Variants in ODAD2 observed in about 807,000 individuals in gnomAD.
ODAD2 encodes the protein outer dynein arm-docking complex subunit 2.
In ODAD2, 89 loss-of-function variants were observed where a neutral mutation model predicts 106.8. That is an observed-to-expected ratio of 0.83 (90% CI 0.70 to 0.99). The LOEUF (loss-of-function observed/expected upper bound fraction) is 0.99, where lower values mean the gene tolerates loss of function less well. ODAD2 is among the 50% of genes least tolerant of loss of function. The pLI, the probability that ODAD2 is intolerant of heterozygous loss-of-function variation, is 0.00. For missense variants in ODAD2, 1,168 were observed against 1,238.5 expected, an observed-to-expected ratio of 0.94 and a Z score of 0.85; for synonymous variants, 404 against 436.2, an observed-to-expected ratio of 0.93 and a Z score of 0.92.
intron 16 of ODAD2, among the ~76,000 whole-genome samples, chr10:27,913,747 G>C (rs1457623343): frequency 3.9e-5 from 6 of 152,068 alleles, no homozygotes; most frequent in Non-Finnish European, 7.4e-5. Flanking sequence ...CAACATCACT[G>C]ATCATTAGAG....
At chr10:27,883,771 A>G (rs1287601247) in intron 17 of ODAD2, among the ~76,000 whole-genome samples, 1 of 152,186 alleles carries the variant, frequency 6.6e-6, no homozygotes, top group Non-Finnish European at 1.5e-5. Context: ...TGAAAGTACA[A>G]TAACTGAAAT....
At position 27,999,046 on chromosome 10, in the gene ODAD2, T is replaced by A. The variant is rs1260261437; in HGVS notation, c.-91A>T. 6.6e-6 allele frequency: 1 copy of A among 152,504 alleles called. No homozygotes were observed. The allele number at this position is 152,504 out of a possible 1,614,324, so 9.4% of individuals were successfully genotyped here. On this transcript the variant is annotated 5_prime_UTR_variant, in exon 1 of 20. Coordinates refer to ENST00000305242, the MANE Select transcript of ODAD2 (RefSeq NM_018076.5). ...AGATTCCCGCGGACCCGTTGCACCG[T>A]ATGCCCGCGCCAGAGACGCTCTGCG... is the stretch of plus-strand genomic sequence containing the variant.
chr10:27,846,952 T>G (rs1283989762), intron 19 of ODAD2, among the ~76,000 whole-genome samples: 2 of 151,944 alleles, frequency 1.3e-5, no homozygotes, highest in East Asian at 1.9e-4. Context: ...ACCAAAAAAA[T>G]TCCAGGATCA....
chr10:27,852,992 C>T (rs1037957588), intron 19 of ODAD2, among the ~76,000 whole-genome samples: 9 of 150,318 alleles, frequency 6.0e-5, no homozygotes, highest in Non-Finnish European at 8.9e-5. Context: ...AAAAGCTAAC[C>T]GTGTCAATAT....
chr10:27,944,584 T>C (rs1247305463), intron 11 of ODAD2, among the ~76,000 whole-genome samples, 153 bp from the exon 12 acceptor site: 1 of 152,168 alleles, frequency 6.6e-6, no homozygotes, highest in African/African-American at 2.4e-5. Context: ...TTCTCTTTCA[T>C]TTAAGTAAAC....
At chr10:27,918,512 A>G (rs549338023) in intron 16 of ODAD2, among the ~76,000 whole-genome samples, 1 of 152,112 alleles carries the variant, frequency 6.6e-6, no homozygotes, top group South Asian at 2.1e-4. Flanking sequence ...TTATTAAAAT[A>G]TAACTCTCAC....
Position 27,842,035 on chromosome 10 carries a change from T to C in ODAD2, c.3021+18590A>G, listed in dbSNP as rs569464802. ...GCTGAACAAACACTTTCCCTCTGGC[T>C]GCAAATTCTTCTCCTCACTTCATTC... On this transcript the variant is annotated intron_variant, in intron 19 of 19. Coordinates refer to ENST00000305242, the MANE Select transcript of ODAD2 (RefSeq NM_018076.5). 2.0e-5 allele frequency among the ~76,000 whole-genome samples: 3 copies of C among 152,334 alleles called. No individual in the cohort carries two copies. The South Asian group carries it at 6.2e-4, about 32-fold the overall frequency.
At chr10:27,950,897 ATAAT>A (rs1163150581) in intron 10 of ODAD2, among the ~76,000 whole-genome samples, 3 of 152,330 alleles carry the variant, frequency 2.0e-5, no homozygotes, top group East Asian at 1.9e-4. Flanking sequence ...AATAATTATG[ATAAT>A]TAATTAAAAA....
chr10:27,876,524 T>G (rs987641653), intron 17 of ODAD2, among the ~76,000 whole-genome samples: 1 of 152,216 alleles, frequency 6.6e-6, no homozygotes, highest in Admixed American at 6.5e-5. Flanking sequence ...TGTTATTTTC[T>G]TTACTGGGAT....
intron 7 of ODAD2, 97 bp downstream of exon 7, chr10:27,981,369 C>A: frequency 8.1e-7 from 1 of 1,231,346 alleles, no homozygotes. Flanking sequence ...TAAAAAGTGC[C>A]CAAAAATAGG....
chr10:27,984,237 C>T lies in ODAD2; in HGVS notation c.629G>A (p.Arg210His), dbSNP rs1298639189. Residue 210 changes from arginine to histidine, a missense_variant, in exon 5 of 20, where the codon CGT becomes CAT. Physicochemically the swap from Arg to His is conservative, Grantham distance 29 (BLOSUM62 0). Transcript: ENST00000305242. Reference sequence around the variant, plus strand: ...TGTTTGGTTTCCTTTTCCTGAGAAACGTTTGAGCAGTTCTATATCCTTCTT... The same window carrying T: ...TGTTTGGTTTCCTTTTCCTGAGAAATGTTTGAGCAGTTCTATATCCTTCTT... ...TVKKDIELLK[R>H]FSGKGNQTVL... 11 of 1,613,722 alleles carry T rather than the reference C, an allele frequency of 6.8e-6. No homozygotes were observed. Among genetic ancestry groups the T allele is most frequent in the South Asian group, 6.6e-5 (6 of 91,076 alleles).
chr10:27,885,728 T>A (rs1842121192), intron 17 of ODAD2, among the ~76,000 whole-genome samples: 1 of 39,434 alleles, frequency 2.5e-5, no homozygotes, highest in East Asian at 6.6e-4. Flanking sequence ...ATATTATATA[T>A]AAAATATATT....
chr10:27,833,975 C>T (rs140186220), intron 19 of ODAD2, among the ~76,000 whole-genome samples: 59 of 152,330 alleles, frequency 3.9e-4, no homozygotes, highest in African/African-American at 1.2e-3. Flanking sequence ...GAAGGTTCCA[C>T]ATGGCGCCAC....
chr10:27,989,895 T>C (rs1366038169), intron 2 of ODAD2, among the ~76,000 whole-genome samples: 1 of 152,102 alleles, frequency 6.6e-6, no homozygotes, highest in East Asian at 1.9e-4. Flanking sequence ...ACGCCAGCTA[T>C]GGACAAGATT....
At chr10:27,831,063 G>A (rs936076747) in intron 19 of ODAD2, among the ~76,000 whole-genome samples, 1 of 152,154 alleles carries the variant, frequency 6.6e-6, no homozygotes, top group Non-Finnish European at 1.5e-5. Flanking sequence ...GGAGTGGATG[G>A]GGGAGGGAAG....
chr10:27,971,331 G>A lies in ODAD2; in HGVS notation c.937-18C>T. The A allele has an allele frequency of 1.3e-6, 2 of 1,559,206 alleles. No homozygotes were observed. Among genetic ancestry groups the A allele is most frequent in the Non-Finnish European group, 1.7e-6 (2 of 1,153,158 alleles). On this transcript the variant is annotated intron_variant, in intron 7 of 19. Coordinates refer to ENST00000305242, the MANE Select transcript of ODAD2 (RefSeq NM_018076.5). ...CTAATTCCCTTTATTTAAAAAATGA[G>A]AATAATTTTTAATGATATCTGAATT...
chr10:27,836,472 T>A (rs893448888), intron 19 of ODAD2, among the ~76,000 whole-genome samples: 11 of 152,250 alleles, frequency 7.2e-5, no homozygotes, highest in Non-Finnish European at 2.9e-5. Flanking sequence ...GACATCTTCC[T>A]AAATTATACT....
intron 19 of ODAD2, among the ~76,000 whole-genome samples, chr10:27,820,208 A>T (rs1322802816): frequency 1.3e-5 from 2 of 152,056 alleles, no homozygotes; most frequent in Admixed American, 6.6e-5. Context: ...CAGGCTCCAC[A>T]TGCCACTGGC....
chr10:27,919,965 G>A (rs1030747094), intron 16 of ODAD2, among the ~76,000 whole-genome samples: 7 of 152,004 alleles, frequency 4.6e-5, no homozygotes, highest in African/African-American at 1.7e-4. Context: ...CAAAATGTCA[G>A]ATAAAACACT....
Sources: gnomAD v4.1 joint callset for allele counts (sites outside exome capture counted in the v4.1 genomes callset) on GRCh38, gnomAD v4.1.1 for gene constraint, MANE v1.5 for transcripts, NCBI Gene and HGNC (gene_info 2026-07-23, HGNC 2026-07-21) for gene names.